Variants in COMMD10 observed in about 807,000 individuals in gnomAD.
The protein encoded by COMMD10 is COMM domain-containing protein 10.
Under a neutral mutation model 28.9 loss-of-function variants are expected in COMMD10, and 33 were observed. That is an observed-to-expected ratio of 1.14 (90% CI 0.87 to 1.53). COMMD10 has a LOEUF of 1.53. COMMD10 is among the 40% of genes most tolerant of loss of function. The pLI, the probability that COMMD10 is intolerant of heterozygous loss-of-function variation, is 0.00. For synonymous variants in COMMD10, 110 were observed against 81.7 expected, an observed-to-expected ratio of 1.35 and a Z score of -1.87; for missense variants, 310 against 233.4, an observed-to-expected ratio of 1.33 and a Z score of -2.14.
At chr5:116,191,208 C>T (rs1036649365) in intron 5 of COMMD10, among the ~76,000 whole-genome samples, 2 of 151,994 alleles carry the variant, frequency 1.3e-5, no homozygotes, top group African/African-American at 4.8e-5. Context: ...GGAGGGTGGC[C>T]AGAGGAGCAG....
chr5:116,162,275 A>G (rs1289733828), intron 5 of COMMD10, among the ~76,000 whole-genome samples: 2 of 152,186 alleles, frequency 1.3e-5, no homozygotes, highest in African/African-American at 4.8e-5. Flanking sequence ...TTGGATTGGC[A>G]TGGTAATGAC....
chr5:116,195,280 C>G (rs1748481146), intron 5 of COMMD10, among the ~76,000 whole-genome samples: 1 of 152,102 alleles, frequency 6.6e-6, no homozygotes, highest in Non-Finnish European at 1.5e-5. Flanking sequence ...ACTCTCCCTA[C>G]TCCTCTTCAG....
chr5:116,095,380 A>G (rs899053439), intron 4 of COMMD10, among the ~76,000 whole-genome samples: 1 of 152,212 alleles, frequency 6.6e-6, no homozygotes, highest in Non-Finnish European at 1.5e-5. Context: ...TATACTGAAC[A>G]TGTCTAAGGT....
chr5:116,125,545 C>G (rs6594942), intron 4 of COMMD10, among the ~76,000 whole-genome samples: 2 of 151,920 alleles, frequency 1.3e-5, no homozygotes, highest in East Asian at 1.9e-4. Flanking sequence ...TGCTCTTCTC[C>G]AGGAGTATCT....
At chr5:116,259,683 A>G (rs922640892) in intron 5 of COMMD10, among the ~76,000 whole-genome samples, 7 of 151,692 alleles carry the variant, frequency 4.6e-5, no homozygotes, top group Non-Finnish European at 1.0e-4. Flanking sequence ...CCTTCATCCA[A>G]TAACTGCAGG....
At chr5:116,160,973 T>G (rs954474120) in intron 5 of COMMD10, among the ~76,000 whole-genome samples, 2 of 152,294 alleles carry the variant, frequency 1.3e-5, no homozygotes, top group Admixed American at 6.5e-5. Flanking sequence ...GGTATTTTTT[T>G]CATGTTAATA....
At chr5:116,154,595 C>T (rs1752644891) in intron 5 of COMMD10, among the ~76,000 whole-genome samples, 1 of 152,024 alleles carries the variant, frequency 6.6e-6, no homozygotes, top group African/African-American at 2.4e-5. Flanking sequence ...AAAATTCTTT[C>T]AGATAGTTTA....
chr5:116,087,699 G>C, intron 2 of COMMD10, 112 bp downstream of exon 2: 1 of 704,514 alleles, frequency 1.4e-6, no homozygotes, highest in Non-Finnish European at 2.5e-6. Flanking sequence ...TGTTCTTAGA[G>C]ACACTGGTTC....
In COMMD10 at chr5:116,162,333, C is replaced by T. The variant is rs142799585; in HGVS notation, c.510+28155C>T. Among the ~76,000 whole-genome samples the T allele has an allele frequency of 2.7e-5, 4 of 150,802 alleles. No homozygotes were observed. The East Asian group carries it at 7.8e-4, about 30-fold the overall frequency. ...AGAAAATATGAAAATTACAAGCATG[C>T]ACCTTAAGTAGTTTCATTGACCTAT... is the stretch of plus-strand genomic sequence containing the variant. On this transcript the variant is annotated intron_variant, in intron 5 of 6. Coordinates refer to ENST00000274458, the MANE Select transcript of COMMD10 (RefSeq NM_016144.4).
chr5:116,194,990 G>A (rs1199627751), intron 5 of COMMD10, among the ~76,000 whole-genome samples: 1 of 152,066 alleles, frequency 6.6e-6, no homozygotes, highest in African/African-American at 2.4e-5. Flanking sequence ...TTTCACACCA[G>A]GGATGCAGGT....
chr5:116,290,067 A>G (rs1467998599), intron 5 of COMMD10, among the ~76,000 whole-genome samples: 1 of 151,948 alleles, frequency 6.6e-6, no homozygotes, highest in East Asian at 1.9e-4. Context: ...TTAGGGGTAC[A>G]TCAGATCAGT....
At chr5:116,134,257 T>C in intron 5 of COMMD10, 79 bp downstream of exon 5, 1 of 756,866 alleles carries the variant, frequency 1.3e-6, no homozygotes, top group Non-Finnish European at 2.3e-6. Context: ...GTCTTTGCTC[T>C]CTGGATTTAG....
intron 2 of COMMD10, 130 bp downstream of exon 2, chr5:116,087,717 G>T (rs986401732): frequency 2.8e-5 from 18 of 632,864 alleles, no homozygotes; most frequent in African/African-American, 7.3e-5. Flanking sequence ...TTCTGTGGAA[G>T]ATTTGGTAAT....
At chr5:116,177,137 G>A (rs1243490536) in intron 5 of COMMD10, among the ~76,000 whole-genome samples, 1 of 152,042 alleles carries the variant, frequency 6.6e-6, no homozygotes, top group Non-Finnish European at 1.5e-5. Context: ...GTACTATTGT[G>A]TTGGAAGAGC....
chr5:116,267,918 C>T (rs1185788278), intron 5 of COMMD10, among the ~76,000 whole-genome samples: 1 of 151,802 alleles, frequency 6.6e-6, no homozygotes, highest in East Asian at 1.9e-4. Flanking sequence ...GAAACTGGAT[C>T]CCTTCCTTAC....
intron 5 of COMMD10, chr5:116,218,034 C>T: frequency 9.2e-7 from 1 of 1,091,116 alleles, no homozygotes; most frequent in Non-Finnish European, 1.4e-6. Flanking sequence ...CTCTTGGCAC[C>T]TCCAGCACCT....
chr5:116,107,902 C>A (rs1010302409), intron 4 of COMMD10, among the ~76,000 whole-genome samples: 1 of 152,126 alleles, frequency 6.6e-6, no homozygotes, highest in African/African-American at 2.4e-5. Context: ...GATACTATTC[C>A]TTTCTGTTTA....
chr5:116,256,717 T>C (rs1443327957), intron 5 of COMMD10, among the ~76,000 whole-genome samples: 6 of 151,856 alleles, frequency 4.0e-5, no homozygotes, highest in Non-Finnish European at 7.4e-5. Context: ...ATTCATTTAT[T>C]TTTTATGTAT....
chr5:116,168,515 T>C (rs1283634887), intron 5 of COMMD10, among the ~76,000 whole-genome samples: 1 of 152,064 alleles, frequency 6.6e-6, no homozygotes, highest in Non-Finnish European at 1.5e-5. Context: ...TCCACCCCAA[T>C]CAACAGAGTA....
Sources: gnomAD v4.1 joint callset for allele counts (sites outside exome capture counted in the v4.1 genomes callset) on GRCh38, gnomAD v4.1.1 for gene constraint, MANE v1.5 for transcripts, NCBI Gene and HGNC (gene_info 2026-07-23, HGNC 2026-07-21) for gene names.